The following RAB27B variants were observed in gnomAD, a reference collection of about 807,000 sequenced individuals.
RAB27B encodes the protein ras-related protein Rab-27B.
In RAB27B, 15 loss-of-function variants were observed where a neutral mutation model predicts 24.6. That is an observed-to-expected ratio of 0.61 (90% CI 0.41 to 0.94). RAB27B has a LOEUF of 0.94. Ranked by LOEUF, RAB27B falls within the 40% of genes least tolerant of loss-of-function variation. The probability of loss-of-function intolerance (pLI) is 0.00; values close to 1 mark genes in which losing one functional copy is unlikely to be tolerated. For missense variants in RAB27B, 261 were observed against 266.8 expected (o/e 0.98, Z 0.15); for synonymous variants, 105 against 92.5 (o/e 1.14, Z -0.78).
In RAB27B at chr18:54,890,102, A is replaced by G. The variant is rs1250284888; in HGVS notation, c.*689A>G. The G allele has an allele frequency of 6.6e-6, 1 of 152,026 alleles. No individual in the cohort carries two copies. The highest frequency in any genetic ancestry group is 1.5e-5 in the Non-Finnish European group (1 of 67,976). The allele number at this position is 152,026 out of a possible 1,614,324, so 9.4% of individuals were successfully genotyped here. A position where few individuals can be genotyped will look rare whatever the true frequency, so the allele number is the denominator to read the frequency against. ...GTAAATGATGAAGTACAAGACAAAT[A>G]CCCTGGGAAAAAAAATGAAAGTATG... On this transcript the variant is annotated 3_prime_UTR_variant, in exon 6 of 6. Transcript: ENST00000262094.
At chr18:54,721,465 C>G (rs117054010) in intron 2 of RAB27B, among the ~76,000 whole-genome samples, 1 of 152,074 alleles carries the variant, frequency 6.6e-6, no homozygotes, top group Non-Finnish European at 1.5e-5. Context: ...TAATAGTGAA[C>G]GTTGGAGTTT....
rs1297405881 is a variant in RAB27B, at chr18:54,890,272, A to C, written c.*859A>C. The C allele has an allele frequency of 6.6e-6, 1 of 152,176 alleles. No homozygotes were observed. Among genetic ancestry groups the C allele is most frequent in the African/African-American group, 2.4e-5 (1 of 41,464 alleles). The allele number at this position is 152,176 out of a possible 1,614,324, so 9.4% of individuals were successfully genotyped here. ...AACTCCAGAGGTTTCCATTTCAAAC[A>C]AAATTTTAGAAATTGGTTTGGTGTT... On this transcript the variant is annotated 3_prime_UTR_variant, in exon 6 of 6. Coordinates refer to ENST00000262094, the MANE Select transcript of RAB27B (RefSeq NM_004163.4).
At chr18:54,770,010 C>T (rs1025393178) in intron 2 of RAB27B, among the ~76,000 whole-genome samples, 7 of 152,084 alleles carry the variant, frequency 4.6e-5, no homozygotes, top group East Asian at 1.9e-4. Context: ...TGGGATTACA[C>T]GTGTGCACCA....
At chr18:54,760,011 C>T (rs562797145) in intron 2 of RAB27B, among the ~76,000 whole-genome samples, 224 of 152,330 alleles carry the variant, frequency 1.5e-3, no homozygotes, top group Middle Eastern at 6.8e-3. Context: ...ATACAGAGGA[C>T]TGTCAAACCG....
At chr18:54,848,919 A>G in intron 1 of RAB27B, among the ~76,000 whole-genome samples, 1 of 152,324 alleles carries the variant, frequency 6.6e-6, no homozygotes, top group East Asian at 1.9e-4. Context: ...AAAAAGTATC[A>G]CTTTGATTAG....
At chr18:54,874,040 T>C (rs1414759089) in intron 1 of RAB27B, among the ~76,000 whole-genome samples, 1 of 152,192 alleles carries the variant, frequency 6.6e-6, no homozygotes, top group East Asian at 1.9e-4. Flanking sequence ...GATTAGACTT[T>C]GACTGGGAGG....
chr18:54,723,289 G>A lies in RAB27B; in HGVS notation c.-20+5148G>A, dbSNP rs974261779. Among the ~76,000 whole-genome samples the A allele has an allele frequency of 7.9e-5, 12 of 152,310 alleles. No homozygotes were observed. In the South Asian group the frequency reaches 8.3e-4, roughly 11 times the overall value. On this transcript the variant is annotated intron_variant, in intron 2 of 4. Coordinates refer to the RAB27B transcript ENST00000586570. Reference sequence around the variant, plus strand: ...TGCGGCTCTGAGGTGCCCCACCGGCGTGTTATTGGAGATGTAACTTGATCT... The same window carrying A: ...TGCGGCTCTGAGGTGCCCCACCGGCATGTTATTGGAGATGTAACTTGATCT...
intron 1 of RAB27B, among the ~76,000 whole-genome samples, chr18:54,855,176 A>G (rs1477674878): frequency 6.6e-6 from 1 of 152,168 alleles, no homozygotes; most frequent in Non-Finnish European, 1.5e-5. Context: ...AATAGAATTC[A>G]TGCTCCTGTG....
intron 1 of RAB27B, among the ~76,000 whole-genome samples, chr18:54,877,145 C>T (rs1329335364): frequency 6.6e-6 from 1 of 152,088 alleles, no homozygotes; most frequent in Admixed American, 6.6e-5. Context: ...GGGGCTTACC[C>T]CTTTGCTGAG....
At chr18:54,862,298 C>T (rs1420548263) in intron 1 of RAB27B, among the ~76,000 whole-genome samples, 1 of 152,072 alleles carries the variant, frequency 6.6e-6, no homozygotes, top group Non-Finnish European at 1.5e-5. Context: ...GGAACAAAAT[C>T]GAATGTAGTG....
At chr18:54,743,923 A>G (rs1910150298) in intron 2 of RAB27B, among the ~76,000 whole-genome samples, 2 of 152,242 alleles carry the variant, frequency 1.3e-5, no homozygotes, top group Admixed American at 6.5e-5. Context: ...GACCAGTTAC[A>G]GAGATATCAC....
intron 2 of RAB27B, among the ~76,000 whole-genome samples, chr18:54,743,306 C>T (rs1396467827): frequency 6.6e-6 from 1 of 152,152 alleles, no homozygotes; most frequent in Admixed American, 6.5e-5. Flanking sequence ...TCATTCAGCC[C>T]ATATTGATTG....
chr18:54,831,433 G>C (rs999853442), intron 1 of RAB27B, among the ~76,000 whole-genome samples: 1 of 152,166 alleles, frequency 6.6e-6, no homozygotes, highest in African/African-American at 2.4e-5. Context: ...TAATGAACAT[G>C]TTGGCCTTTG....
intron 2 of RAB27B, among the ~76,000 whole-genome samples, chr18:54,767,076 A>G (rs1908386298): frequency 1.3e-5 from 2 of 152,194 alleles, no homozygotes; most frequent in South Asian, 2.1e-4. Flanking sequence ...CACATAGGGA[A>G]GAAGGTGGGG....
chr18:54,728,108 T>C (rs1160532671), intron 2 of RAB27B, among the ~76,000 whole-genome samples: 1 of 152,120 alleles, frequency 6.6e-6, no homozygotes, highest in Non-Finnish European at 1.5e-5. Flanking sequence ...TTATATTTTG[T>C]ATATACCAAC....
At chr18:54,889,138 T>C in intron 5 of RAB27B, 86 bp from the exon 6 acceptor site, 1 of 1,279,764 alleles carries the variant, frequency 7.8e-7, no homozygotes, top group Non-Finnish European at 1.1e-6. Context: ...GCCAGCCGTT[T>C]TTGCATGTGT....
At position 54,892,747 on chromosome 18, in the gene RAB27B, C is replaced by T. The variant is rs1260963375; in HGVS notation, c.*3334C>T. 6.6e-6 allele frequency: 1 copy of T among 152,074 alleles called. No individual in the cohort carries two copies. Among genetic ancestry groups the T allele is most frequent in the African/African-American group, 2.4e-5 (1 of 41,504 alleles). 9.4% of individuals were successfully genotyped at this position (152,074 alleles called of 1,614,324 possible). On this transcript the variant is annotated 3_prime_UTR_variant, in exon 6 of 6. Transcript: ENST00000262094. ...CATTTTCGTATTATCAGCTATCGCC[C>T]TGTAAAATATTCAAAACTAGCTATT...
At chr18:54,736,763 A>T (rs1909909343) in intron 2 of RAB27B, among the ~76,000 whole-genome samples, 1 of 152,156 alleles carries the variant, frequency 6.6e-6, no homozygotes, top group Non-Finnish European at 1.5e-5. Context: ...GAGGAATTTC[A>T]GGAAGGAGAT....
chr18:54,818,904 T>C (rs1446116034), intron 2 of RAB27B, among the ~76,000 whole-genome samples: 1 of 152,060 alleles, frequency 6.6e-6, no homozygotes, highest in African/African-American at 2.4e-5. Context: ...TATAAAAATA[T>C]ATTGTTTATA....
Sources: gnomAD v4.1 joint callset for allele counts (sites outside exome capture counted in the v4.1 genomes callset) on GRCh38, gnomAD v4.1.1 for gene constraint, MANE v1.5 for transcripts, NCBI Gene and HGNC (gene_info 2026-07-23, HGNC 2026-07-21) for gene names.